MACROD2: variants seen among roughly 807,000 people sequenced by gnomAD.
The protein encoded by MACROD2 is mono-ADP ribosylhydrolase 2, also known as ADP-ribose glycohydrolase MACROD2.
In MACROD2, 36 loss-of-function variants were observed where a neutral mutation model predicts 70.4. The ratio of observed to expected loss-of-function variants is 0.51; its 90% CI spans 0.39 to 0.68. The LOEUF is 0.68. Among genes scored for constraint, MACROD2 ranks in the 30% least tolerant of loss-of-function variants. The pLI is 0.00. For missense variants in MACROD2, 496 were observed against 538.4 expected (o/e 0.92, Z 0.78); for synonymous variants, 172 against 178.8 (o/e 0.96, Z 0.30).
rs2085501219 is a variant in MACROD2 at position 14,547,227 on chromosome 20, CTCCATGCA to C, written c.301+53720_301+53727del. The C allele has an allele frequency of 5.2e-6, 3 of 582,200 alleles. No homozygotes were observed. In the East Asian group the frequency reaches 2.4e-4, roughly 46 times the overall value. The allele number at this position is 582,200 out of a possible 1,614,324, so 36.1% of individuals were successfully genotyped here. A position where few individuals can be genotyped will look rare whatever the true frequency, so the allele number is the denominator to read the frequency against. On this transcript the variant is annotated intron_variant, in intron 4 of 17. Coordinates refer to ENST00000684519, the MANE Select transcript of MACROD2 (RefSeq NM_001351661.2). ...ATGTAAGCAGTGCTGCATCAACTGG[CTCCATGCA>C]GGAGGGACACGTGAAGGATCTCATC...
chr20:15,942,332 A>G (rs887981026), intron 12 of MACROD2, among the ~76,000 whole-genome samples: 2 of 152,198 alleles, frequency 1.3e-5, no homozygotes, highest in South Asian at 2.1e-4. Flanking sequence ...ATGAGATACT[A>G]GCAGGAAGAA....
chr20:14,326,613 T>C lies in MACROD2; in HGVS notation c.272-166866T>C. ...AGGGATTGTTGCGAAGAATCAGTTG[T>C]GTTATATTGTCCAAATCATCAAAGA... On this transcript the variant is annotated intron_variant, in intron 3 of 17. Transcript: ENST00000684519. This position sits in a 1 kb window ranked among gnomAD's most constrained non-coding sequence, Gnocchi z 5.5. The C allele has an allele frequency of 6.2e-7, 1 of 1,613,896 alleles. No homozygotes were observed. Among genetic ancestry groups the C allele is most frequent in the Non-Finnish European group, 8.5e-7 (1 of 1,179,856 alleles).
At position 14,336,491 on chromosome 20, in the gene MACROD2, A is replaced by G. The variant is rs149193663; in HGVS notation, c.272-156988A>G. Among the ~76,000 whole-genome samples the G allele has an allele frequency of 3.3e-3, 504 of 152,250 alleles. 2 individuals are homozygous for G. Among genetic ancestry groups the G allele is most frequent in the Non-Finnish European group, 4.0e-3 (273 of 68,008 alleles). On this transcript the variant is annotated intron_variant, in intron 3 of 17. Transcript: ENST00000684519. Reference sequence around the variant, plus strand: ...ATTTTTTGAGAAGATACATTTAACTACTTTTTCAAGCTTTGTAGTATAAAT... The same window carrying G: ...ATTTTTTGAGAAGATACATTTAACTGCTTTTTCAAGCTTTGTAGTATAAAT...
At chr20:14,709,227 C>CT (rs144929186) in intron 5 of MACROD2, among the ~76,000 whole-genome samples, 90 of 150,392 alleles carry the variant, frequency 6.0e-4, no homozygotes, top group Middle Eastern at 3.5e-3. Context: ...AAAATACTTA[C>CT]TTTTTTTTTT....
chr20:15,032,299 G>A (rs1174956265), intron 5 of MACROD2, among the ~76,000 whole-genome samples: 1 of 152,222 alleles, frequency 6.6e-6, no homozygotes, highest in African/African-American at 2.4e-5. Context: ...AACTTGGTAG[G>A]GAGTGGGCCT....
intron 8 of MACROD2, among the ~76,000 whole-genome samples, chr20:15,657,270 C>A (rs192753198): frequency 2.0e-5 from 3 of 152,230 alleles, no homozygotes; most frequent in African/African-American, 7.2e-5. Context: ...TAAATCACAG[C>A]AATATTTGTT....
chr20:14,911,336 C>G (rs1477116293), intron 5 of MACROD2, among the ~76,000 whole-genome samples: 1 of 151,326 alleles, frequency 6.6e-6, no homozygotes, highest in East Asian at 1.9e-4. Context: ...ATTTTTTTTT[C>G]TTTTGTATAG....
At chr20:15,353,339 T>C (rs1282670887) in intron 6 of MACROD2, among the ~76,000 whole-genome samples, 1 of 152,196 alleles carries the variant, frequency 6.6e-6, no homozygotes, top group Admixed American at 6.5e-5. Flanking sequence ...TTACACCTTA[T>C]ACAAAAATTA....
At chr20:15,403,936 T>C (rs1387705769) in intron 6 of MACROD2, among the ~76,000 whole-genome samples, 2 of 152,186 alleles carry the variant, frequency 1.3e-5, no homozygotes, top group East Asian at 3.9e-4. Flanking sequence ...TACAAGGGAA[T>C]GTATAAAGCA....
rs116100506 is a variant in MACROD2 at position 14,502,076 on chromosome 20, A to G, written c.301+8568A>G. 6.3e-3 allele frequency among the ~76,000 whole-genome samples: 965 copies of G among 152,296 alleles called. 15 individuals are homozygous for G. Among genetic ancestry groups the G allele is most frequent in the African/African-American group, 0.023 (941 of 41,552 alleles). On this transcript the variant is annotated intron_variant, in intron 4 of 17. Coordinates refer to ENST00000684519, the MANE Select transcript of MACROD2 (RefSeq NM_001351661.2). ...TCTCTCATCCCCAAAGAATCTCTGA[A>G]TGTGACTTGTTGGTACACAGTAGGA...
intron 8 of MACROD2, among the ~76,000 whole-genome samples, chr20:15,708,400 T>C (rs754142109): frequency 1.4e-4 from 22 of 152,056 alleles, no homozygotes; most frequent in Non-Finnish European, 2.9e-5. Flanking sequence ...TGACATGTGA[T>C]GCAACTGAGG....
At chr20:14,065,463 T>C (rs1355593826) in intron 2 of MACROD2, among the ~76,000 whole-genome samples, 1 of 152,198 alleles carries the variant, frequency 6.6e-6, no homozygotes, top group East Asian at 1.9e-4. Context: ...TTGGGCATAA[T>C]TAGTGTTTTT....
Position 15,957,061 on chromosome 20 carries a change from A to G in MACROD2, c.908-10492A>G, listed in dbSNP as rs1601211319. On this transcript the variant is annotated intron_variant, in intron 12 of 17. Transcript: ENST00000684519. ...GAAAAGGACAGGTTATGTGTCATTC[A>G]ATTTACGTCAAGTCCCCAAACAGGC... is the stretch of plus-strand genomic sequence containing the variant. 3.3e-5 allele frequency among the ~76,000 whole-genome samples: 5 copies of G among 152,278 alleles called. No homozygotes were observed. In the South Asian group the frequency reaches 1.0e-3, roughly 32 times the overall value.
chr20:14,440,988 G>A (rs1458395993), intron 3 of MACROD2, among the ~76,000 whole-genome samples: 1 of 152,174 alleles, frequency 6.6e-6, no homozygotes, highest in African/African-American at 2.4e-5. Flanking sequence ...CCTTTGGACA[G>A]GACACAACCT....
At chr20:15,194,378 C>A (rs1006826802) in intron 5 of MACROD2, among the ~76,000 whole-genome samples, 6 of 151,174 alleles carry the variant, frequency 4.0e-5, no homozygotes. Context: ...TTATGGATGA[C>A]CTTGATTACA....
intron 6 of MACROD2, among the ~76,000 whole-genome samples, chr20:15,345,413 G>C (rs1249973044): frequency 6.6e-6 from 1 of 152,160 alleles, no homozygotes; most frequent in Non-Finnish European, 1.5e-5. Context: ...AAGAGTATTA[G>C]AATATTAGTT....
At chr20:14,824,878 C>T (rs1042885749) in intron 5 of MACROD2, among the ~76,000 whole-genome samples, 7 of 152,034 alleles carry the variant, frequency 4.6e-5, no homozygotes, top group Non-Finnish European at 7.4e-5. Context: ...TACCATGTGC[C>T]GGTCACTGTC....
chr20:15,362,651 T>C (rs565304513), intron 6 of MACROD2, among the ~76,000 whole-genome samples: 8 of 152,242 alleles, frequency 5.3e-5, no homozygotes, highest in Admixed American at 2.0e-4. Flanking sequence ...TATTAGAAAT[T>C]AGTCATTCTT....
chr20:14,009,594 C>A (rs1002199128), intron 2 of MACROD2, among the ~76,000 whole-genome samples: 1 of 152,182 alleles, frequency 6.6e-6, no homozygotes, highest in East Asian at 1.9e-4. Flanking sequence ...TACCGTTTGA[C>A]CCAGCAATCC....
Sources: gnomAD v4.1 joint callset for allele counts (sites outside exome capture counted in the v4.1 genomes callset) on GRCh38, gnomAD v4.1.1 for gene constraint, Gnocchi (gnomAD v3.1) non-coding constraint, MANE v1.5 for transcripts, NCBI Gene and HGNC (gene_info 2026-07-23, HGNC 2026-07-21) for gene names.